HHIPL1: variants seen among roughly 807,000 people sequenced by gnomAD.
HHIPL1 encodes HHIP-like protein 1.
A neutral mutation model predicts 61.8 loss-of-function variants in HHIPL1; 43 were observed. The ratio of observed to expected loss-of-function variants is 0.70; its 90% CI spans 0.55 to 0.90. HHIPL1 has a LOEUF of 0.90. Among genes scored for constraint, HHIPL1 ranks in the 40% least tolerant of loss-of-function variants. The pLI, the probability that HHIPL1 is intolerant of heterozygous loss-of-function variation, is 0.00. For missense variants in HHIPL1, 1,056 were observed against 1,157.7 expected (o/e 0.91, Z 1.28); for synonymous variants, 482 against 515.8 (o/e 0.93, Z 0.89).
chr14:99,606,272 T>C, the HHIPL1 span, among the ~76,000 whole-genome samples: 1 of 152,172 alleles, frequency 6.6e-6, no homozygotes, highest in Non-Finnish European at 1.5e-5. Context: ...GGCACTGCTC[T>C]GCTGGTCCAG....
chr14:99,621,717 T>TTC, the HHIPL1 span, among the ~76,000 whole-genome samples: 1 of 129,580 alleles, frequency 7.7e-6, no homozygotes, highest in South Asian at 2.8e-4. Flanking sequence ...TTCTTTTTTT[T>TTC]TTTTTTTTTT....
At chr14:99,622,406 C>T in the HHIPL1 span, among the ~76,000 whole-genome samples, 4 of 152,204 alleles carry the variant, frequency 2.6e-5, no homozygotes, top group African/African-American at 9.7e-5. Flanking sequence ...CTCCAGCCCA[C>T]AATTTCCATC....
chr14:99,675,081 C>A lies in HHIPL1; in HGVS notation c.1814-10C>A. 8.7e-7 allele frequency: 1 copy of A among 1,153,700 alleles called. No individual in the cohort carries two copies. Among genetic ancestry groups the A allele is most frequent in the Admixed American group, 5.1e-5 (1 of 19,454 alleles). 71.5% of individuals were successfully genotyped at this position (1,153,700 alleles called of 1,614,324 possible). A position where few individuals can be genotyped will look rare whatever the true frequency, so the allele number is the denominator to read the frequency against. On this transcript the variant is annotated splice_polypyrimidine_tract_variant and intron_variant, in intron 8 of 8. Coordinates refer to ENST00000330710, the MANE Select transcript of HHIPL1 (RefSeq NM_001127258.3). This position sits in a 1 kb window ranked among gnomAD's most constrained non-coding sequence, Gnocchi z 5.4. The stretch of plus-strand genomic sequence containing the variant: ...GGGTCCCTCTGACGGCATACTCTTC[C>A]TCTGCGCAGAGTTCATCCCGAAGAC...
At chr14:99,674,258 C>T (rs1471350475) in intron 8 of HHIPL1, among the ~76,000 whole-genome samples, 1 of 152,094 alleles carries the variant, frequency 6.6e-6, no homozygotes, top group African/African-American at 2.4e-5. Flanking sequence ...ATGGCAGTGC[C>T]CAGTGCCTGG....
the HHIPL1 span, among the ~76,000 whole-genome samples, chr14:99,615,345 A>G: frequency 1.3e-5 from 2 of 152,230 alleles, no homozygotes; most frequent in South Asian, 2.1e-4. Flanking sequence ...CCAGGAGTTC[A>G]AGACCAGCCT....
rs1270842833 is a variant in HHIPL1, at chr14:99,659,773, C to A, written c.1375+17C>A. The stretch of plus-strand genomic sequence containing the variant: ...CCTCTCTCAGTGAGTGCCCGCGCCC[C>A]GGGGACCCCGGCCCCGAATCCGCCC... On this transcript the variant is annotated intron_variant, in intron 4 of 8. Transcript: ENST00000330710. The A allele has an allele frequency of 1.6e-5, 21 of 1,329,456 alleles. No individual in the cohort carries two copies. The highest frequency in any genetic ancestry group is 1.9e-5 in the Non-Finnish European group (20 of 1,039,010). 82.4% of individuals were successfully genotyped at this position (1,329,456 alleles called of 1,614,324 possible).
At chr14:99,654,622 C>T (rs1270462297) in intron 2 of HHIPL1, among the ~76,000 whole-genome samples, 3 of 152,198 alleles carry the variant, frequency 2.0e-5, no homozygotes, top group African/African-American at 7.2e-5. Context: ...CAAAGAACAG[C>T]ACATTGTGTG....
the HHIPL1 span, among the ~76,000 whole-genome samples, chr14:99,615,910 G>A: frequency 6.6e-6 from 1 of 152,132 alleles, no homozygotes; most frequent in African/African-American, 2.4e-5. Flanking sequence ...GAGCTCTGTC[G>A]GAGTTTGGTG....
In HHIPL1 at chr14:99,668,496, G is replaced by T. The variant is rs540100725; in HGVS notation, c.1730+193G>T. On this transcript the variant is annotated intron_variant, in intron 7 of 8. Transcript: ENST00000330710. This position sits in a 1 kb window ranked among gnomAD's most constrained non-coding sequence, Gnocchi z 4.7. ...AGGGGCAGACCCAGGATTCAGACCC[G>T]GGTCTGCACGCCTCAAAGCACAGGT... Among the ~76,000 whole-genome samples the T allele has an allele frequency of 2.0e-5, 3 of 152,124 alleles. No homozygotes were observed. The South Asian group carries it at 6.2e-4, about 31-fold the overall frequency.
the HHIPL1 span, among the ~76,000 whole-genome samples, chr14:99,639,087 G>A: frequency 6.6e-6 from 1 of 152,212 alleles, no homozygotes; most frequent in South Asian, 2.1e-4. Flanking sequence ...CGTGCCAGAT[G>A]TCATACCCTG....
upstream of HHIPL1, among the ~76,000 whole-genome samples, chr14:99,644,506 A>T (rs551761579): frequency 9.9e-5 from 15 of 152,040 alleles, no homozygotes; most frequent in Non-Finnish European, 2.2e-4. Context: ...CAGCGGGGGC[A>T]GCGGAACAAA....
At chr14:99,639,781 C>G in the HHIPL1 span, among the ~76,000 whole-genome samples, 1 of 152,178 alleles carries the variant, frequency 6.6e-6, no homozygotes, top group Non-Finnish European at 1.5e-5. Context: ...TCTGCCTCAG[C>G]CTCCTGAGTA....
At chr14:99,613,945 A>G in the HHIPL1 span, among the ~76,000 whole-genome samples, 1 of 152,108 alleles carries the variant, frequency 6.6e-6, no homozygotes, top group African/African-American at 2.4e-5. Context: ...TAAAATTCCT[A>G]GCATAGAGCC....
the HHIPL1 span, among the ~76,000 whole-genome samples, chr14:99,607,846 C>A: frequency 6.6e-6 from 1 of 152,138 alleles, no homozygotes. Context: ...AGGTCACTTT[C>A]ATTCATTAGC....
chr14:99,608,989 C>A, the HHIPL1 span, among the ~76,000 whole-genome samples: 42 of 152,258 alleles, frequency 2.8e-4, no homozygotes, highest in South Asian at 6.2e-4. Context: ...GGATGCTCTG[C>A]GATGTCTCTT....
intron 8 of HHIPL1, among the ~76,000 whole-genome samples, chr14:99,673,897 T>C (rs1259338900): frequency 2.1e-5 from 1 of 47,054 alleles, no homozygotes; most frequent in East Asian, 6.6e-4. Context: ...CCTGGGGGAG[T>C]GCACTGAGGG....
rs138604248 is a variant in HHIPL1 at position 99,655,496 on chromosome 14, C to T, written c.903-1504C>T. 2.2e-4 allele frequency among the ~76,000 whole-genome samples: 33 copies of T among 152,186 alleles called. No individual in the cohort carries two copies. In the East Asian group the frequency reaches 6.2e-3, roughly 29 times the overall value. On this transcript the variant is annotated intron_variant, in intron 2 of 8. Transcript: ENST00000330710. ...AAAATTGGCCGGGCATGGTGGCATG[C>T]ACCTGTAGTCTCAGCTACTCAGGAG...
chr14:99,659,299 G>T (rs572806889), intron 3 of HHIPL1, 129 bp from the exon 4 acceptor site: 7 of 656,080 alleles, frequency 1.1e-5, no homozygotes. Context: ...AGGGTCTCTG[G>T]CCCCACAGCC....
At chr14:99,621,463 G>T in the HHIPL1 span, among the ~76,000 whole-genome samples, 1 of 152,164 alleles carries the variant, frequency 6.6e-6, no homozygotes. Flanking sequence ...GGGACTGGGG[G>T]ATTTTATGTG....
Sources: gnomAD v4.1 joint callset for allele counts (sites outside exome capture counted in the v4.1 genomes callset) on GRCh38, gnomAD v4.1.1 for gene constraint, Gnocchi (gnomAD v3.1) non-coding constraint, MANE v1.5 for transcripts, NCBI Gene and HGNC (gene_info 2026-07-23, HGNC 2026-07-21) for gene names.